Variants in NRXN3 observed in about 807,000 individuals in gnomAD.
The protein encoded by NRXN3 is neurexin III.
A neutral mutation model predicts 137.6 loss-of-function variants in NRXN3; 32 were observed. That is an observed-to-expected ratio of 0.23 (90% confidence interval 0.18 to 0.31). The LOEUF is 0.31. Ranked by LOEUF, NRXN3 falls within the 10% of genes least tolerant of loss-of-function variation. The pLI is 1.00. For synonymous variants in NRXN3, 798 were observed against 784.5 expected, an observed-to-expected ratio of 1.02 and a Z score of -0.29; for missense variants, 1,574 against 2,062.5, an observed-to-expected ratio of 0.76 and a Z score of 4.59.
intron 15 of NRXN3, among the ~76,000 whole-genome samples, chr14:79,215,937 T>C (rs2153229050): frequency 6.6e-6 from 1 of 152,348 alleles, no homozygotes; most frequent in South Asian, 2.1e-4. Context: ...TATCCATTGC[T>C]GTGTCACAGA....
At chr14:78,483,981 T>TACACACACACACACACAC (rs71979335) in intron 4 of NRXN3, among the ~76,000 whole-genome samples, 1 of 123,644 alleles carries the variant, frequency 8.1e-6, no homozygotes. Flanking sequence ...GGGATGCTCT[T>TACACACACACACACACAC]ACACACACAC....
At chr14:79,179,508 C>T (rs2062696484) in intron 15 of NRXN3, among the ~76,000 whole-genome samples, 1 of 152,184 alleles carries the variant, frequency 6.6e-6, no homozygotes, top group African/African-American at 2.4e-5. Context: ...TCCCAGTTCC[C>T]ACCTCAAACC....
At chr14:79,648,967 A>G (rs2098463653) in intron 16 of NRXN3, among the ~76,000 whole-genome samples, 1 of 152,196 alleles carries the variant, frequency 6.6e-6, no homozygotes, top group East Asian at 1.9e-4. Context: ...TTTGAAGTCA[A>G]TACAAAGTAG....
intron 4 of NRXN3, among the ~76,000 whole-genome samples, chr14:78,616,407 C>T (rs1020652012): frequency 2.0e-5 from 3 of 152,208 alleles, no homozygotes; most frequent in Admixed American, 6.5e-5. Context: ...TCCGTTTAAA[C>T]CCTGCTTCTT....
rs1204558827 is a variant in NRXN3, at chr14:78,243,122, T to A, written c.29T>A (p.Phe10Tyr). 1.3e-6 allele frequency: 2 copies of A among 1,538,908 alleles called. No homozygotes were observed. Among genetic ancestry groups the A allele is most frequent in the East Asian group, 4.8e-5 (2 of 41,388 alleles). Residue 10 changes from phenylalanine (F) to tyrosine (Y), a missense_variant, in exon 2 of 21, where the codon TTC becomes TAC. Phe to Tyr is a conservative substitution (Grantham distance 22). Coordinates refer to ENST00000335750, the MANE Select transcript of NRXN3 (RefSeq NM_001330195.2). This position sits in a 1 kb window ranked among gnomAD's most constrained non-coding sequence, Gnocchi z 4.2. MSSTLHSVF[F>Y]TLKVSILLGS... ...AGCTCCACACTCCACTCGGTTTTCT[T>A]CACCCTGAAGGTCAGCATCCTGCTG...
intron 15 of NRXN3, among the ~76,000 whole-genome samples, chr14:79,413,239 A>G (rs1482155374): frequency 6.6e-6 from 1 of 152,144 alleles, no homozygotes; most frequent in East Asian, 1.9e-4. Context: ...GAAGATCTGG[A>G]AGTCACCTCT....
chr14:78,675,677 T>G (rs975634802), intron 6 of NRXN3, among the ~76,000 whole-genome samples: 1 of 152,170 alleles, frequency 6.6e-6, no homozygotes, highest in East Asian at 1.9e-4. Flanking sequence ...AAGATTCTAG[T>G]GTCACAGGAA....
Position 78,314,942 on chromosome 14 carries a change from T to TCTTTCTTTCTTC in NRXN3, c.757+17085_757+17086insTCTTTCTTCCTT, listed in dbSNP as rs1491333798. On this transcript the variant is annotated intron_variant, in intron 4 of 20. Transcript: ENST00000335750. ...TTCTTTCTTTCTTTCTTTCTTTCTT[T>TCTTTCTTTCTTC]CTTCCTTCCTTCCTTCCTTCCTTCC... is the stretch of plus-strand genomic sequence containing the variant. Among the ~76,000 whole-genome samples the TCTTTCTTTCTTC allele has an allele frequency of 3.2e-3, 195 of 60,616 alleles. 1 individual carries two copies. The highest frequency in any genetic ancestry group is 0.023 in the Middle Eastern group (2 of 86). 39.8% of individuals were successfully genotyped at this position (60,616 alleles called of 152,430 possible). A position where few individuals can be genotyped will look rare whatever the true frequency, so the allele number is the denominator to read the frequency against.
intron 19 of NRXN3, among the ~76,000 whole-genome samples, chr14:79,751,313 AT>A (rs1285867685): frequency 6.6e-6 from 1 of 152,040 alleles, no homozygotes; most frequent in East Asian, 1.9e-4. Context: ...ATTCCTAAGT[AT>A]TTTATTCTCT....
chr14:79,060,359 G>T (rs10147558), intron 15 of NRXN3, among the ~76,000 whole-genome samples: 50,050 of 152,076 alleles, frequency 0.33, 8,754 homozygotes, highest in Admixed American at 0.47. Context: ...GAGGATAAGT[G>T]TTGTGTCTTC....
At chr14:78,764,042 A>G (rs944166623) in intron 8 of NRXN3, among the ~76,000 whole-genome samples, 2 of 152,152 alleles carry the variant, frequency 1.3e-5, no homozygotes, top group African/African-American at 4.8e-5. Context: ...GGTCTGTCTA[A>G]TGTTCCCCAC....
chr14:79,785,581 A>C (rs1344475163), intron 19 of NRXN3, among the ~76,000 whole-genome samples: 4 of 152,108 alleles, frequency 2.6e-5, no homozygotes, highest in Admixed American at 6.5e-5. Flanking sequence ...CTCAGAATCT[A>C]TCTCTCTTTC....
chr14:79,692,191 G>C lies in NRXN3; in HGVS notation c.3635G>C (p.Arg1212Pro). 6.2e-7 allele frequency: 1 copy of C among 1,607,920 alleles called. No individual in the cohort carries two copies. The highest frequency in any genetic ancestry group is 1.1e-5 in the South Asian group (1 of 89,864). Residue 1212 changes from arginine to proline, a missense_variant, in exon 18 of 21, where the codon CGC becomes CCC. Arg to Pro is a moderately radical substitution (Grantham distance 103). Transcript: ENST00000335750. ...TTTAAAGGCAACACTGATAATGAACGCTTCCAAATGGTAAAACAGAAAATC... is the reference window on the plus strand; with the variant it reads ...TTTAAAGGCAACACTGATAATGAACCCTTCCAAATGGTAAAACAGAAAATC... ...HYPTGNTDNE[R>P]FQMVKQKIPF...
At chr14:79,575,131 T>C (rs2097652433) in intron 16 of NRXN3, among the ~76,000 whole-genome samples, 4 of 152,206 alleles carry the variant, frequency 2.6e-5, no homozygotes, top group Admixed American at 1.3e-4. Flanking sequence ...ATAAGGGAAG[T>C]ATATTTCTCA....
At position 78,976,754 on chromosome 14, in the gene NRXN3, G is replaced by A. The variant is rs1027614378; in HGVS notation, c.3142+8408G>A. Among the ~76,000 whole-genome samples, 9 of 152,234 alleles carry A rather than the reference G, an allele frequency of 5.9e-5. No homozygotes were observed. The East Asian group carries it at 7.7e-4, about 13-fold the overall frequency. On this transcript the variant is annotated intron_variant, in intron 14 of 20. Coordinates refer to ENST00000335750, the MANE Select transcript of NRXN3 (RefSeq NM_001330195.2). ...TTCCTCCACATTATACGAGAGAGGC[G>A]TACAACACAACTGTGTCAGTGTGGC...
intron 15 of NRXN3, among the ~76,000 whole-genome samples, chr14:79,390,173 C>T (rs747684992): frequency 1.8e-4 from 28 of 151,992 alleles, no homozygotes; most frequent in Admixed American, 5.3e-4. Flanking sequence ...AAAAATTAGG[C>T]GGGCGCGGTG....
chr14:79,168,955 T>G (rs1460690143), intron 15 of NRXN3, among the ~76,000 whole-genome samples: 2 of 152,086 alleles, frequency 1.3e-5, no homozygotes, highest in African/African-American at 4.8e-5. Flanking sequence ...ACTTCTCTGA[T>G]TCATGTGATG....
chr14:79,564,204 T>C (rs2097528062), intron 16 of NRXN3, among the ~76,000 whole-genome samples: 1 of 151,958 alleles, frequency 6.6e-6, no homozygotes, highest in African/African-American at 2.4e-5. Context: ...GTTCTAAGTA[T>C]TTTTCTTTGC....
At chr14:78,740,860 TTTTAA>T (rs1435395184) in intron 8 of NRXN3, among the ~76,000 whole-genome samples, 1 of 152,210 alleles carries the variant, frequency 6.6e-6, no homozygotes, top group Non-Finnish European at 1.5e-5. Flanking sequence ...AGCTCTGATA[TTTTAA>T]TTTAATATGT....
Sources: allele counts gnomAD v4.1 joint callset (sites outside exome capture counted in the v4.1 genomes callset), GRCh38; gene constraint gnomAD v4.1.1; non-coding constraint Gnocchi (gnomAD v3.1); transcripts MANE v1.5; gene names NCBI Gene and HGNC (gene_info 2026-07-23, HGNC 2026-07-21).